KNL1: variants seen among roughly 807,000 people sequenced by gnomAD.
KNL1 encodes the protein kinetochore scaffold 1.
KNL1 carries 66 observed loss-of-function variants against 201.3 expected under a neutral mutation model. The ratio of observed to expected loss-of-function variants is 0.33; its 90% CI spans 0.27 to 0.40. KNL1 has a LOEUF of 0.40. KNL1 is among the 10% of genes least tolerant of loss of function. The pLI, the probability that KNL1 is intolerant of heterozygous loss-of-function variation, is 1.00. For synonymous variants in KNL1, 895 were observed against 899.2 expected (o/e 1.00, Z 0.08); for missense variants, 2,815 against 2,690.5 (o/e 1.05, Z -1.02).
intron 14 of KNL1, 106 bp downstream of exon 14, chr15:40,641,133 G>T: frequency 1.4e-6 from 1 of 696,762 alleles, no homozygotes; most frequent in South Asian, 1.8e-5. Context: ...GGGTAAAATT[G>T]ATGGCATTAA....
chr15:40,628,461 C>G, intron 11 of KNL1, 150 bp from the exon 12 acceptor site: 2 of 633,694 alleles, frequency 3.2e-6, no homozygotes, highest in African/African-American at 1.8e-5. Flanking sequence ...AGCCTTAAAA[C>G]TATAATATAC....
rs560134080 is a variant in KNL1, at chr15:40,626,196, A to G, written c.5376+556A>G. Among the ~76,000 whole-genome samples the G allele has an allele frequency of 5.3e-4, 80 of 152,140 alleles. 1 individual carries two copies. The highest frequency in any genetic ancestry group is 1.9e-3 in the African/African-American group (78 of 41,538). On this transcript the variant is annotated intron_variant, in intron 10 of 25. Coordinates refer to ENST00000399668, the MANE Select transcript of KNL1 (RefSeq NM_144508.5). Reference sequence around the variant, plus strand: ...GAGACAGAGTCTTGTTCTGTTGCCCAGGCTGGAGTGCAGTTGTGTGATCTC... The same window carrying G: ...GAGACAGAGTCTTGTTCTGTTGCCCGGGCTGGAGTGCAGTTGTGTGATCTC...
At position 40,662,233 on chromosome 15, in the gene KNL1, AT is replaced by A. The variant is rs1567025561; in HGVS notation, c.*47del. ...AACAACCAAGCAGAATGTACTTGAT[AT>A]TATTTCAGGGTCCCATTGCTGTTCA... On this transcript the variant is annotated 3_prime_UTR_variant, in exon 26 of 26. Coordinates refer to ENST00000399668, the MANE Select transcript of KNL1 (RefSeq NM_144508.5). 5 of 1,101,030 alleles carry A rather than the reference AT, an allele frequency of 4.5e-6. No individual in the cohort carries two copies. Among genetic ancestry groups the A allele is most frequent in the Non-Finnish European group, 7.0e-6 (5 of 717,918 alleles). 68.2% of individuals were successfully genotyped at this position (1,101,030 alleles called of 1,614,324 possible).
At chr15:40,618,536 T>G (rs1033552091) in intron 8 of KNL1, among the ~76,000 whole-genome samples, 19 of 152,078 alleles carry the variant, frequency 1.2e-4, no homozygotes, top group African/African-American at 1.7e-4. Flanking sequence ...ATAATAATAA[T>G]AAGTAGTAGT....
intron 18 of KNL1, 41 bp downstream of exon 18, chr15:40,650,419 G>T: frequency 1.9e-6 from 3 of 1,569,850 alleles, no homozygotes; most frequent in Non-Finnish European, 2.6e-6. Flanking sequence ...TGTGGGGGAA[G>T]CCCTTCTGTT....
chr15:40,625,718 A>G (rs1220272609), intron 10 of KNL1, 78 bp downstream of exon 10: 1 of 1,113,340 alleles, frequency 9.0e-7, no homozygotes. Context: ...GGTATTCTCA[A>G]ATTTTAATCT....
chr15:40,598,822 G>T (rs1029445093), intron 1 of KNL1, among the ~76,000 whole-genome samples: 1 of 151,650 alleles, frequency 6.6e-6, no homozygotes, highest in African/African-American at 2.4e-5. Context: ...ATTTGTTTTC[G>T]AGACAGGGTC....
chr15:40,632,210 A>ACCCCCCC (rs34274284), intron 13 of KNL1, among the ~76,000 whole-genome samples: 8 of 131,708 alleles, frequency 6.1e-5, no homozygotes, highest in African/African-American at 1.2e-4. Context: ...ACATAGCGAG[A>ACCCCCCC]CCCCCCCCCA....
chr15:40,613,269 A>G (rs989708733), intron 7 of KNL1, among the ~76,000 whole-genome samples: 6 of 152,052 alleles, frequency 3.9e-5, no homozygotes, highest in African/African-American at 1.2e-4. Context: ...GTGTGTGTGT[A>G]TCTTCTCGTG....
intron 2 of KNL1, among the ~76,000 whole-genome samples, chr15:40,604,368 A>G (rs1427313052): frequency 1.3e-5 from 2 of 152,126 alleles, no homozygotes; most frequent in African/African-American, 2.4e-5. Context: ...TGGCTTATAC[A>G]TAGTATTTTT....
chr15:40,613,225 C>G (rs1054948506), intron 7 of KNL1, among the ~76,000 whole-genome samples: 1 of 152,078 alleles, frequency 6.6e-6, no homozygotes, highest in African/African-American at 2.4e-5. Context: ...TGTATTACCA[C>G]TTGGGTAAAA....
In KNL1 at chr15:40,622,535, GGAA is replaced by G. The variant is rs1307174438; in HGVS notation, c.2274_2276del (p.Glu759del). 6.2e-7 allele frequency: 1 copy of G among 1,613,842 alleles called. No individual in the cohort carries two copies. The highest frequency in any genetic ancestry group is 8.5e-7 in the Non-Finnish European group (1 of 1,179,898). ...ATGACAAGATGATTATATGTTCAGA[GGAA>G]GAGCAAAATATGGATCTAACAAAGA... On this transcript the variant is annotated inframe_deletion, in exon 10 of 26. Transcript: ENST00000399668.
rs951475170 is a variant in KNL1, at chr15:40,639,964, T to C, written c.5683-948T>C. 7.9e-5 allele frequency among the ~76,000 whole-genome samples: 12 copies of C among 152,262 alleles called. No individual in the cohort carries two copies. In the South Asian group the frequency reaches 2.5e-3, roughly 32 times the overall value. ...GTGACACATCTGTAGTACTAGCTAC[T>C]GGAGAGGATGAGGCAGGAAGATCGC... is the stretch of plus-strand genomic sequence containing the variant. On this transcript the variant is annotated intron_variant, in intron 13 of 25. Coordinates refer to ENST00000399668, the MANE Select transcript of KNL1 (RefSeq NM_144508.5).
Position 40,622,136 on chromosome 15 carries a change from G to C in KNL1, c.1872G>C (p.Gln624His), listed in dbSNP as rs912157242. 1 of 1,614,106 alleles carries C rather than the reference G, an allele frequency of 6.2e-7. No individual in the cohort carries two copies. Among genetic ancestry groups the C allele is most frequent in the Admixed American group, 1.7e-5 (1 of 60,012 alleles). Residue 624 changes from glutamine (Q) to histidine (H), a missense_variant, in exon 10 of 26, where the codon CAG becomes CAC. By Grantham distance (24) the Gln-to-His change is conservative. Transcript: ENST00000399668. ...CCAAAAGTCGTAATGAACCATTTCAGCGATCAGACATAATAGCCAAAAACA... is the reference window on the plus strand; with the variant it reads ...CCAAAAGTCGTAATGAACCATTTCACCGATCAGACATAATAGCCAAAAACA... ...EITKSRNEPFQRSDIIAKNSL... is the reference protein window; with the variant it reads ...EITKSRNEPFHRSDIIAKNSL...
At chr15:40,629,688 A>G (rs1368466897) in intron 13 of KNL1, among the ~76,000 whole-genome samples, 1 of 151,386 alleles carries the variant, frequency 6.6e-6, no homozygotes, top group Non-Finnish European at 1.5e-5. Context: ...ATTTTTGTAG[A>G]GACAGGGTTT....
chr15:40,624,894 G>C lies in KNL1; in HGVS notation c.4630G>C (p.Asp1544His). The change falls in exon 10 of 26, where the codon GAT (aspartate) becomes CAT (histidine). Residue 1544 changes from aspartate to histidine, a missense_variant. Physicochemically the swap from Asp to His is moderately conservative, Grantham distance 81. Around this residue, in one of 3 missense-constraint regions of KNL1, gnomAD observed 2,464 missense variants for 2,291.7 expected, o/e 1.08. Coordinates refer to ENST00000399668, the MANE Select transcript of KNL1 (RefSeq NM_144508.5). ...QTHVNAGEAP[D>H]PVITSNVPCF... ...TCATGTCAATGCTGGAGAAGCACCA[G>C]ATCCTGTAATTACATCTAATGTTCC... 1.2e-6 allele frequency: 2 copies of C among 1,612,714 alleles called. No individual in the cohort carries two copies. Among genetic ancestry groups the C allele is most frequent in the Non-Finnish European group, 1.7e-6 (2 of 1,179,738 alleles).
At position 40,628,176 on chromosome 15, in the gene KNL1, T is replaced by C. The variant is rs923998667; in HGVS notation, c.5483T>C (p.Ile1828Thr). 1.9e-6 allele frequency: 3 copies of C among 1,612,220 alleles called. No homozygotes were observed. The highest frequency in any genetic ancestry group is 2.5e-6 in the Non-Finnish European group (3 of 1,179,378). ...AGTTGCAGCAGCTCTCTGGATTCAA[T>C]CAAGGCTGATGGGACCTCTCTGGAC... ...PSSCSSSLDS[I>T]KADGTSLDFS... is the part of the protein sequence containing the mutation. The change falls in exon 11 of 26, where the codon ATC (isoleucine) becomes ACC (threonine). Residue 1828 changes from isoleucine to threonine, a missense_variant. Ile to Thr is a moderately conservative substitution (Grantham distance 89). Around this residue, in one of 3 missense-constraint regions of KNL1, gnomAD observed 2,464 missense variants for 2,291.7 expected, o/e 1.08. Coordinates refer to ENST00000399668, the MANE Select transcript of KNL1 (RefSeq NM_144508.5).
At chr15:40,662,034 G>T in intron 25 of KNL1, 40 bp from the exon 26 acceptor site, 1 of 1,228,128 alleles carries the variant, frequency 8.1e-7, no homozygotes, top group Non-Finnish European at 1.2e-6. Flanking sequence ...GCGAGACTCC[G>T]TCGCAAAAAA....
intron 1 of KNL1, among the ~76,000 whole-genome samples, chr15:40,602,357 C>G (rs894116398): frequency 6.8e-6 from 1 of 146,952 alleles, no homozygotes; most frequent in Admixed American, 6.8e-5. Context: ...AGGATGGTCT[C>G]GATCTCCTGA....
Sources: allele counts gnomAD v4.1 joint callset (sites outside exome capture counted in the v4.1 genomes callset), GRCh38; gene constraint gnomAD v4.1.1; regional missense constraint gnomAD v4.1.1; transcripts MANE v1.5; gene names NCBI Gene and HGNC (gene_info 2026-07-23, HGNC 2026-07-21).